The following CNTN5 variants were observed in gnomAD, a reference collection of about 807,000 sequenced individuals.
CNTN5 encodes the protein contactin 5.
A neutral mutation model predicts 129.1 loss-of-function variants in CNTN5; 77 were observed. The observed-to-expected ratio is 0.60, with a 90% CI of 0.50 to 0.72. The LOEUF (loss-of-function observed/expected upper bound fraction) is 0.72, where lower values mean the gene tolerates loss of function less well. CNTN5 is among the 30% of genes least tolerant of loss of function. The pLI is 0.00. For missense variants in CNTN5, 1,478 were observed against 1,328.8 expected, an observed-to-expected ratio of 1.11 and a Z score of -1.75; for synonymous variants, 509 against 465.6, an observed-to-expected ratio of 1.09 and a Z score of -1.20.
At chr11:100,111,781 A>G (rs1017727323) in intron 13 of CNTN5, among the ~76,000 whole-genome samples, 5 of 152,154 alleles carry the variant, frequency 3.3e-5, no homozygotes, top group African/African-American at 1.2e-4. Context: ...CTGTTGATTA[A>G]TATCTCCCCA....
At chr11:99,926,198 TA>T (rs1376200173) in intron 7 of CNTN5, among the ~76,000 whole-genome samples, 1 of 152,152 alleles carries the variant, frequency 6.6e-6, no homozygotes, top group African/African-American at 2.4e-5. Context: ...GGGGTTGCCT[TA>T]AATCATTATC....
chr11:100,238,516 AGAGGAGGAGGGGGTAGAAGAGGAG>A (rs1453547363), intron 16 of CNTN5, among the ~76,000 whole-genome samples: 44 of 136,160 alleles, frequency 3.2e-4, no homozygotes, highest in East Asian at 2.0e-3. Context: ...AGAAGGGGGA[AGAGGAGGAGGGGGTAGAAGAGGAG>A]GAGGAGGAGG....
At chr11:99,112,082 G>A (rs1297580902) in intron 1 of CNTN5, among the ~76,000 whole-genome samples, 2 of 151,888 alleles carry the variant, frequency 1.3e-5, no homozygotes, top group Non-Finnish European at 2.9e-5. Flanking sequence ...ATTCAAGAAA[G>A]TATCAAATAT....
At chr11:100,213,706 A>G (rs532693187) in intron 15 of CNTN5, among the ~76,000 whole-genome samples, 3 of 152,070 alleles carry the variant, frequency 2.0e-5, no homozygotes, top group Admixed American at 2.0e-4. Flanking sequence ...TTCTATTTGA[A>G]TGTTCATTGG....
At chr11:99,555,435 TTATTG>T (rs1182689257) in intron 2 of CNTN5, among the ~76,000 whole-genome samples, 1 of 152,020 alleles carries the variant, frequency 6.6e-6, no homozygotes, top group African/African-American at 2.4e-5. Context: ...CTTTTCATGT[TTATTG>T]TATCATTCAG....
chr11:100,065,534 C>G (rs1943663453), intron 10 of CNTN5, among the ~76,000 whole-genome samples: 1 of 152,004 alleles, frequency 6.6e-6, no homozygotes, highest in Admixed American at 6.6e-5. Context: ...ACCCTTAGGT[C>G]TTAAGATTCC....
At chr11:99,915,604 G>A (rs1298102318) in intron 6 of CNTN5, among the ~76,000 whole-genome samples, 3 of 152,024 alleles carry the variant, frequency 2.0e-5, no homozygotes, top group Non-Finnish European at 4.4e-5. Flanking sequence ...CTCTAATTTG[G>A]CATGCTCATG....
In CNTN5 at chr11:99,842,552, C is replaced by T. The variant is rs143765433; in HGVS notation, c.278-2300C>T. On this transcript the variant is annotated intron_variant, in intron 4 of 24. Coordinates refer to ENST00000524871, the MANE Select transcript of CNTN5 (RefSeq NM_014361.4). ...TACTAGAATTTGAACTTACATGTGT[C>T]CAACTCTAAAGCTCAGGAGTTGTCT... is the stretch of plus-strand genomic sequence containing the variant. Among the ~76,000 whole-genome samples the T allele has an allele frequency of 6.6e-3, 1,011 of 152,220 alleles. 13 individuals carry two copies. The highest frequency in any genetic ancestry group is 0.023 in the African/African-American group (962 of 41,550).
chr11:99,559,572 A>T (rs1021902626), intron 3 of CNTN5, among the ~76,000 whole-genome samples: 5 of 152,206 alleles, frequency 3.3e-5, no homozygotes, highest in African/African-American at 1.2e-4. Context: ...TCTGGTGAAG[A>T]TACAGATTGA....
chr11:99,987,330 T>G (rs1053114956), intron 8 of CNTN5, among the ~76,000 whole-genome samples: 1 of 151,874 alleles, frequency 6.6e-6, no homozygotes, highest in Non-Finnish European at 1.5e-5. Context: ...GCCATTAGAT[T>G]GAATAATTGA....
chr11:99,590,808 G>T (rs998284801), intron 3 of CNTN5, among the ~76,000 whole-genome samples: 3 of 152,088 alleles, frequency 2.0e-5, no homozygotes, highest in African/African-American at 7.2e-5. Flanking sequence ...CCATGCTAGG[G>T]TTTATTCTGA....
intron 9 of CNTN5, among the ~76,000 whole-genome samples, chr11:100,056,858 C>G (rs1167134534): frequency 1.3e-5 from 2 of 151,678 alleles, no homozygotes; most frequent in Non-Finnish European, 1.5e-5. Context: ...AGGAGGTAAA[C>G]TGTTCTGAAA....
intron 1 of CNTN5, among the ~76,000 whole-genome samples, chr11:99,157,319 A>G (rs1024668759): frequency 1.3e-5 from 2 of 152,042 alleles, no homozygotes; most frequent in Non-Finnish European, 2.9e-5. Flanking sequence ...CTTTTAAGAA[A>G]CTATCCTGTT....
chr11:99,427,345 G>A (rs371350174), intron 2 of CNTN5, among the ~76,000 whole-genome samples: 6 of 152,244 alleles, frequency 3.9e-5, no homozygotes, highest in African/African-American at 7.2e-5. Flanking sequence ...TAGAACCTGA[G>A]GGGGGAAATA....
intron 3 of CNTN5, among the ~76,000 whole-genome samples, chr11:99,594,069 A>G (rs906717023): frequency 6.6e-6 from 1 of 152,186 alleles, no homozygotes; most frequent in Non-Finnish European, 1.5e-5. Context: ...CAATTACTAT[A>G]TAGGCCTGAT....
At chr11:99,758,635 A>C (rs1944480522) in intron 3 of CNTN5, among the ~76,000 whole-genome samples, 1 of 152,060 alleles carries the variant, frequency 6.6e-6, no homozygotes, top group African/African-American at 2.4e-5. Flanking sequence ...CACAGAAAAG[A>C]ATACTTAGAT....
intron 17 of CNTN5, among the ~76,000 whole-genome samples, chr11:100,263,208 T>C (rs922459517): frequency 1.3e-5 from 2 of 152,132 alleles, no homozygotes; most frequent in African/African-American, 4.8e-5. Context: ...TTAGAAGCAA[T>C]TGTCCATACT....
At chr11:99,760,830 T>TAC (rs752422287) in intron 3 of CNTN5, among the ~76,000 whole-genome samples, 38 of 152,072 alleles carry the variant, frequency 2.5e-4, no homozygotes, top group Non-Finnish European at 4.3e-4. Context: ...TACTATTTAT[T>TAC]ACACACACAC....
At position 100,358,141 on chromosome 11, in the gene CNTN5, T is replaced by G. The variant is rs377162525; in HGVS notation, c.*1921T>G. On this transcript the variant is annotated 3_prime_UTR_variant, in exon 25 of 25. Transcript: ENST00000524871. ...ATCTGAATAAAAGACAGAAAGAATA[T>G]TTTTAATGCAAAATAATTTTACGTA... 9.9e-5 allele frequency: 15 copies of G among 152,004 alleles called. 1 individual carries two copies. The East Asian group carries it at 2.9e-3, about 29-fold the overall frequency. The allele number at this position is 152,004 out of a possible 1,614,324, so 9.4% of individuals were successfully genotyped here.
Sources: allele counts gnomAD v4.1 joint callset (sites outside exome capture counted in the v4.1 genomes callset), GRCh38; gene constraint gnomAD v4.1.1; transcripts MANE v1.5; gene names NCBI Gene and HGNC (gene_info 2026-07-23, HGNC 2026-07-21).